Variants in ADAMTSL3 observed in about 807,000 individuals in gnomAD.
ADAMTSL3 encodes the protein ADAMTS-like protein 3.
ADAMTSL3 carries 128 observed loss-of-function variants against 201.7 expected under a neutral mutation model. The ratio of observed to expected loss-of-function variants is 0.63; its 90% CI spans 0.55 to 0.73. ADAMTSL3 has a LOEUF of 0.73. ADAMTSL3 is among the 30% of genes least tolerant of loss of function. ADAMTSL3 has a pLI of 0.00. For synonymous variants in ADAMTSL3, 738 were observed against 748.4 expected (o/e 0.99, Z 0.23); for missense variants, 1,990 against 2,119.6 (o/e 0.94, Z 1.20).
rs570945049 is a variant in ADAMTSL3 at position 83,729,840 on chromosome 15, G to A, written c.189+25332G>A. Reference sequence around the variant, plus strand: ...GGATGTTTGTCAGTATCTGGGCATTGAAGAGTTGGATATTTATTGTCGTCT... The same window carrying A: ...GGATGTTTGTCAGTATCTGGGCATTAAAGAGTTGGATATTTATTGTCGTCT... On this transcript the variant is annotated intron_variant, in intron 3 of 29. Coordinates refer to ENST00000286744, the MANE Select transcript of ADAMTSL3 (RefSeq NM_207517.3). 2.0e-5 allele frequency among the ~76,000 whole-genome samples: 3 copies of A among 152,122 alleles called. No individual in the cohort carries two copies. In the South Asian group the frequency reaches 6.2e-4, roughly 32 times the overall value.
intron 7 of ADAMTSL3, among the ~76,000 whole-genome samples, chr15:83,838,862 T>C (rs1053490680): frequency 7.2e-5 from 11 of 152,184 alleles, no homozygotes; most frequent in African/African-American, 1.9e-4. Context: ...TGTAAAGGGA[T>C]GGATAATAAA....
intron 28 of ADAMTSL3, among the ~76,000 whole-genome samples, chr15:84,033,258 A>G (rs1241168230): frequency 6.6e-6 from 1 of 152,046 alleles, no homozygotes; most frequent in Non-Finnish European, 1.5e-5. Context: ...CCAGATGCAA[A>G]TCTGATCCTA....
intron 19 of ADAMTSL3, among the ~76,000 whole-genome samples, chr15:83,950,968 T>C (rs1019364168): frequency 1.3e-5 from 2 of 151,172 alleles, no homozygotes; most frequent in Non-Finnish European, 3.0e-5. Context: ...GACTTCTTCG[T>C]TTCCAATTTG....
intron 4 of ADAMTSL3, among the ~76,000 whole-genome samples, chr15:83,791,152 G>GAAAAATAAAAA (rs753403727): frequency 0.014 from 2,114 of 152,164 alleles, 22 homozygotes; most frequent in South Asian, 0.029. Context: ...TTAAAATGTT[G>GAAAAATAAAAA]ATACTACCCA....
chr15:83,839,665 C>T (rs2064338360), intron 7 of ADAMTSL3, among the ~76,000 whole-genome samples: 1 of 151,892 alleles, frequency 6.6e-6, no homozygotes, highest in Non-Finnish European at 1.5e-5. Context: ...TGGGAGGAAA[C>T]GTAGAGGAAG....
Position 83,982,805 on chromosome 15 carries a change from G to C in ADAMTSL3, c.3177G>C (p.Leu1059=). 1.2e-6 allele frequency: 2 copies of C among 1,614,140 alleles called. No individual in the cohort carries two copies. Among genetic ancestry groups the C allele is most frequent in the East Asian group, 2.2e-5 (1 of 44,876 alleles). ...GTAACCAGCCTTTCTTGAGAGCTCT[G>C]TTAGGCCACTGCAGCAATTCTGCAG... ...HISNQPFLRA[L]LGHCSNSAGS... is the part of the protein sequence containing the mutation. Residue 1059 remains leucine, a synonymous_variant, in exon 21 of 30, where the codon CTG becomes CTC. Transcript: ENST00000286744.
chr15:84,037,657 T>C (rs1272571981), intron 29 of ADAMTSL3, 43 bp from the exon 30 acceptor site: 4 of 1,512,546 alleles, frequency 2.6e-6, no homozygotes, highest in Non-Finnish European at 2.7e-6. Flanking sequence ...TAATTAGGTC[T>C]CTAATAAGCT....
chr15:83,804,767 T>A lies in ADAMTSL3; in HGVS notation c.363+72T>A, dbSNP rs750992728. Reference sequence around the variant, plus strand: ...TTTTAAGTTACAATATTCCAATGTGTACTCTAAAACTGATGGTCTCTTAAT... The same window carrying A: ...TTTTAAGTTACAATATTCCAATGTGAACTCTAAAACTGATGGTCTCTTAAT... On this transcript the variant is annotated intron_variant, in intron 5 of 29. Transcript: ENST00000286744. 483 of 1,242,402 alleles carry A rather than the reference T, an allele frequency of 3.9e-4. 1 individual carries two copies. Among genetic ancestry groups the A allele is most frequent in the Non-Finnish European group, 5.2e-4 (469 of 899,114 alleles). The allele number at this position is 1,242,402 out of a possible 1,614,324, so 77.0% of individuals were successfully genotyped here. A position where few individuals can be genotyped will look rare whatever the true frequency, so the allele number is the denominator to read the frequency against.
At chr15:83,880,522 C>T (rs528353896) in intron 9 of ADAMTSL3, among the ~76,000 whole-genome samples, 1 of 152,166 alleles carries the variant, frequency 6.6e-6, no homozygotes, top group Admixed American at 6.5e-5. Flanking sequence ...CTATCTGGCT[C>T]TTTATAAAAT....
intron 27 of ADAMTSL3, among the ~76,000 whole-genome samples, chr15:84,030,703 G>A (rs982506454): frequency 6.6e-6 from 1 of 152,160 alleles, no homozygotes; most frequent in Non-Finnish European, 1.5e-5. Context: ...AAATGTGAAA[G>A]GGACATGAGA....
At chr15:83,744,239 G>A (rs974208506) in intron 3 of ADAMTSL3, among the ~76,000 whole-genome samples, 3 of 152,168 alleles carry the variant, frequency 2.0e-5, no homozygotes, top group Non-Finnish European at 2.9e-5. Context: ...TCCAGAAAAA[G>A]CAGGGCTTTG....
intron 9 of ADAMTSL3, among the ~76,000 whole-genome samples, chr15:83,877,491 G>A (rs1309117249): frequency 6.6e-6 from 1 of 152,152 alleles, no homozygotes; most frequent in Non-Finnish European, 1.5e-5. Context: ...CAATACCATT[G>A]TGAGATATCT....
intron 16 of ADAMTSL3, among the ~76,000 whole-genome samples, chr15:83,920,159 A>G (rs889519227): frequency 1.2e-4 from 18 of 152,250 alleles, no homozygotes; most frequent in Non-Finnish European, 1.5e-5. Context: ...ACAAATGGTA[A>G]CGTGGGAACA....
Position 83,983,204 on chromosome 15 carries a change from A to G in ADAMTSL3, c.3576A>G (p.Lys1192=). The change falls in exon 21 of 30, where the codon AAA becomes AAG. Residue 1192 remains lysine (K), a synonymous_variant. Transcript: ENST00000286744. ...QSQPPSISFN[K]TINSRIGNTV... is the part of the protein sequence containing the mutation. ...AACCTCCCTCAATTTCATTTAATAAAACAATAAATTCCAGGATTGGAAATA... is the reference window on the plus strand; with the variant it reads ...AACCTCCCTCAATTTCATTTAATAAGACAATAAATTCCAGGATTGGAAATA... The G allele has an allele frequency of 6.2e-7, 1 of 1,614,094 alleles. No individual in the cohort carries two copies. Among genetic ancestry groups the G allele is most frequent in the South Asian group, 1.1e-5 (1 of 91,046 alleles).
chr15:83,691,617 C>T (rs1255432561), intron 2 of ADAMTSL3, among the ~76,000 whole-genome samples: 1 of 152,220 alleles, frequency 6.6e-6, no homozygotes, highest in East Asian at 1.9e-4. Context: ...TTCTTTTCTT[C>T]GTTTATTTAT....
At chr15:84,008,374 T>C (rs2067935593) in intron 23 of ADAMTSL3, among the ~76,000 whole-genome samples, 1 of 152,208 alleles carries the variant, frequency 6.6e-6, no homozygotes, top group Non-Finnish European at 1.5e-5. Context: ...AGATTACAGG[T>C]GTGAGCCACC....
At chr15:84,018,382 G>T (rs1056669441) in intron 25 of ADAMTSL3, among the ~76,000 whole-genome samples, 19 of 152,192 alleles carry the variant, frequency 1.2e-4, no homozygotes, top group Non-Finnish European at 2.5e-4. Context: ...GTTGGACAGG[G>T]TGGTGTTTAT....
intron 29 of ADAMTSL3, 45 bp from the exon 30 acceptor site, chr15:84,037,655 T>C (rs772716559): frequency 4.6e-6 from 7 of 1,508,684 alleles, no homozygotes; most frequent in Non-Finnish European, 6.2e-6. Flanking sequence ...TTTAATTAGG[T>C]CTCTAATAAG....
intron 26 of ADAMTSL3, among the ~76,000 whole-genome samples, 188 bp downstream of exon 26, chr15:84,021,781 C>T (rs1175412996): frequency 2.0e-5 from 3 of 152,108 alleles, no homozygotes; most frequent in South Asian, 2.1e-4. Flanking sequence ...TTTCCTGTTT[C>T]GTAGATGGGG....
Sources: gnomAD v4.1 joint callset for allele counts (sites outside exome capture counted in the v4.1 genomes callset) on GRCh38, gnomAD v4.1.1 for gene constraint, MANE v1.5 for transcripts, NCBI Gene and HGNC (gene_info 2026-07-23, HGNC 2026-07-21) for gene names.